The following RASGRF1 variants were observed in gnomAD, a reference collection of about 807,000 sequenced individuals.
RASGRF1 encodes the protein ras-specific guanine nucleotide-releasing factor 1.
In RASGRF1, 40 loss-of-function variants were observed where a neutral mutation model predicts 138.7. The ratio of observed to expected loss-of-function variants is 0.29; its 90% CI spans 0.22 to 0.38. The LOEUF (loss-of-function observed/expected upper bound fraction) is 0.38. RASGRF1 is among the 10% of genes least tolerant of loss of function. RASGRF1 has a pLI of 1.00. For missense variants in RASGRF1, 1,108 were observed against 1,650.4 expected (o/e 0.67, Z 5.69); for synonymous variants, 614 against 663.2 (o/e 0.93, Z 1.14).
chr15:79,016,663 T>G (rs2056882904), intron 12 of RASGRF1, among the ~76,000 whole-genome samples: 1 of 152,214 alleles, frequency 6.6e-6, no homozygotes, highest in South Asian at 2.1e-4. Context: ...CTGGGTGTTT[T>G]GAAGACATGT....
Position 79,032,394 on chromosome 15 carries a change from G to T in RASGRF1, c.959-78C>A. 7.0e-7 allele frequency: 1 copy of T among 1,425,420 alleles called. No individual in the cohort carries two copies. The highest frequency in any genetic ancestry group is 9.7e-7 in the Non-Finnish European group (1 of 1,033,152). 88.3% of individuals were successfully genotyped at this position (1,425,420 alleles called of 1,614,324 possible). ...ATCCCCTAGGCCCTTGGCTCCCCCA[G>T]CTACACCCAGAGAGGCCAGGGGCCA... On this transcript the variant is annotated intron_variant, in intron 6 of 26. Transcript: ENST00000558480. The surrounding 1 kb of genome is among the most constrained non-coding windows in gnomAD (Gnocchi z 4.5).
intron 1 of RASGRF1, among the ~76,000 whole-genome samples, chr15:79,087,144 GCTTGGT>G (rs1441534915): frequency 6.6e-6 from 1 of 152,324 alleles, no homozygotes; most frequent in East Asian, 1.9e-4. Context: ...GTTAGGATGG[GCTTGGT>G]GTTTGGTGCC....
intron 13 of RASGRF1, among the ~76,000 whole-genome samples, chr15:79,009,380 G>C (rs1158820937): frequency 6.6e-6 from 1 of 152,198 alleles, no homozygotes; most frequent in East Asian, 1.9e-4. Context: ...CATCGAGTAA[G>C]GGCTACGTCC....
At chr15:79,019,968 C>G in intron 11 of RASGRF1, 73 bp downstream of exon 11, 1 of 1,571,600 alleles carries the variant, frequency 6.4e-7, no homozygotes, top group Non-Finnish European at 8.7e-7. Context: ...TAATGCCTGG[C>G]CCAACCTTTA....
At chr15:79,016,713 C>G (rs1329088030) in intron 12 of RASGRF1, among the ~76,000 whole-genome samples, 1 of 152,226 alleles carries the variant, frequency 6.6e-6, no homozygotes, top group Non-Finnish European at 1.5e-5. Flanking sequence ...CATCATCCCA[C>G]CCGCCTTACT....
chr15:78,962,349 G>T, intron 26 of RASGRF1, 113 bp from the exon 27 acceptor site: 1 of 724,146 alleles, frequency 1.4e-6, no homozygotes, highest in Non-Finnish European at 2.3e-6. Flanking sequence ...AGAGTCAGGT[G>T]GGCATATGAG....
rs1041778632 is a variant in RASGRF1 at position 78,962,110 on chromosome 15, C to T, written c.*34G>A. The stretch of plus-strand genomic sequence containing the variant: ...TGTACAGTATCATCTAGCACATGTC[C>T]CCGGGAGCAGCTGGGTCTGGGCTGG... On this transcript the variant is annotated 3_prime_UTR_variant, in exon 27 of 27. Coordinates refer to ENST00000558480, the MANE Select transcript of RASGRF1 (RefSeq NM_001145648.3). 4 of 1,357,276 alleles carry T rather than the reference C, an allele frequency of 2.9e-6. No homozygotes were observed. In the East Asian group the frequency reaches 7.3e-5, roughly 25 times the overall value. The allele number at this position is 1,357,276 out of a possible 1,614,324, so 84.1% of individuals were successfully genotyped here. A position where few individuals can be genotyped will look rare whatever the true frequency, so the allele number is the denominator to read the frequency against.
At chr15:79,047,310 C>G (rs554656001) in intron 4 of RASGRF1, among the ~76,000 whole-genome samples, 24 of 152,174 alleles carry the variant, frequency 1.6e-4, no homozygotes, top group Non-Finnish European at 2.6e-4. Flanking sequence ...TGCAGATTCT[C>G]AAGCCCCACC....
At chr15:78,962,277 G>A in intron 26 of RASGRF1, 41 bp from the exon 27 acceptor site, 1 of 1,313,022 alleles carries the variant, frequency 7.6e-7, no homozygotes, top group South Asian at 1.3e-5. Context: ...AGGGTTGTGG[G>A]ACCTCCATAG....
intron 1 of RASGRF1, among the ~76,000 whole-genome samples, chr15:79,087,633 A>G (rs1305367615): frequency 6.6e-6 from 1 of 152,262 alleles, no homozygotes; most frequent in Admixed American, 6.5e-5. Context: ...GCCTGGAGTT[A>G]GACCTATCAT....
chr15:78,979,063 G>A lies in RASGRF1; in HGVS notation c.3494+1557C>T, dbSNP rs375979520. 42 of 1,290,964 alleles carry A rather than the reference G, an allele frequency of 3.3e-5. 1 individual carries two copies. In the East Asian group the frequency reaches 8.3e-4, roughly 26 times the overall value. 80.0% of individuals were successfully genotyped at this position (1,290,964 alleles called of 1,614,324 possible). On this transcript the variant is annotated intron_variant, in intron 24 of 26. Coordinates refer to ENST00000558480, the MANE Select transcript of RASGRF1 (RefSeq NM_001145648.3). Reference sequence around the variant, plus strand: ...AAGCCAGCCATGTGAGGAGGTGGATGGAGTGGTGCCCCGGGGGCGGACGGA... The same window carrying A: ...AAGCCAGCCATGTGAGGAGGTGGATAGAGTGGTGCCCCGGGGGCGGACGGA...
intron 10 of RASGRF1, among the ~76,000 whole-genome samples, chr15:79,024,894 G>A (rs112499577): frequency 2.5e-4 from 37 of 148,984 alleles, no homozygotes; most frequent in Admixed American, 9.3e-4. Context: ...TACACACCAC[G>A]CACACATACA....
intron 1 of RASGRF1, among the ~76,000 whole-genome samples, chr15:79,069,154 A>G (rs2057721414): frequency 6.6e-6 from 1 of 152,130 alleles, no homozygotes; most frequent in Admixed American, 6.5e-5. Flanking sequence ...GAAACTCTAG[A>G]ACCCTGCACA....
At chr15:79,022,427 C>T (rs1050927182) in intron 10 of RASGRF1, among the ~76,000 whole-genome samples, 1 of 151,714 alleles carries the variant, frequency 6.6e-6, no homozygotes, top group African/African-American at 2.4e-5. Context: ...GTGACAAGAG[C>T]GAAACTCCAC....
At chr15:78,989,772 A>C (rs1157850890) in intron 22 of RASGRF1, among the ~76,000 whole-genome samples, 5 of 152,166 alleles carry the variant, frequency 3.3e-5, no homozygotes, top group Non-Finnish European at 7.3e-5. Flanking sequence ...TACTGAGATG[A>C]GGTTTAAAAA....
chr15:78,993,266 T>TATGTGTG (rs1396824525), intron 20 of RASGRF1, among the ~76,000 whole-genome samples: 4 of 81,348 alleles, frequency 4.9e-5, no homozygotes, highest in Non-Finnish European at 8.4e-5. Flanking sequence ...TGTGGTGTGG[T>TATGTGTG]GTGTGTGGTG....
chr15:79,033,941 A>G (rs2057182460), intron 6 of RASGRF1, among the ~76,000 whole-genome samples: 1 of 152,224 alleles, frequency 6.6e-6, no homozygotes, highest in African/African-American at 2.4e-5. Context: ...GTTTCCTTGT[A>G]ATCAACTTTA....
At chr15:78,964,219 G>A (rs1360481733) in intron 26 of RASGRF1, among the ~76,000 whole-genome samples, 1 of 151,816 alleles carries the variant, frequency 6.6e-6, no homozygotes, top group Non-Finnish European at 1.5e-5. Flanking sequence ...TTGTCACCCA[G>A]GCTGGAGTAC....
intron 10 of RASGRF1, among the ~76,000 whole-genome samples, chr15:79,021,958 A>T (rs1351918513): frequency 1.3e-5 from 2 of 152,064 alleles, no homozygotes; most frequent in Non-Finnish European, 2.9e-5. Flanking sequence ...CTGACACGAG[A>T]ACTCCCTCAC....
Sources: gnomAD v4.1 joint callset for allele counts (sites outside exome capture counted in the v4.1 genomes callset) on GRCh38, gnomAD v4.1.1 for gene constraint, Gnocchi (gnomAD v3.1) non-coding constraint, MANE v1.5 for transcripts, NCBI Gene and HGNC (gene_info 2026-07-23, HGNC 2026-07-21) for gene names.